NCK1: variants seen among roughly 807,000 people sequenced by gnomAD.
The protein encoded by NCK1 is SH2/SH3 adapter protein NCK1.
A neutral mutation model predicts 36.6 loss-of-function variants in NCK1; 19 were observed. That is an observed-to-expected ratio of 0.52 (90% CI 0.36 to 0.76). NCK1 has a LOEUF of 0.76. Ranked by LOEUF, NCK1 falls within the 30% of genes least tolerant of loss-of-function variation. NCK1 has a pLI of 0.00. For missense variants in NCK1, 358 were observed against 445.6 expected (o/e 0.80, Z 1.77); for synonymous variants, 165 against 156.0 (o/e 1.06, Z -0.43).
At chr3:136,893,178 G>GCTGC (rs1939295987) in intron 1 of NCK1, among the ~76,000 whole-genome samples, 1 of 34,590 alleles carries the variant, frequency 2.9e-5, no homozygotes, top group Non-Finnish European at 5.8e-5. Flanking sequence ...GTGTGTGTGT[G>GCTGC]TATATATATA....
chr3:136,880,238 T>C (rs563105904), intron 1 of NCK1, among the ~76,000 whole-genome samples: 2 of 151,032 alleles, frequency 1.3e-5, no homozygotes, highest in East Asian at 3.9e-4. Flanking sequence ...TGAGCCGAGA[T>C]CATGCCACTG....
chr3:136,864,201 G>A (rs1938342245), intron 1 of NCK1, among the ~76,000 whole-genome samples: 1 of 151,252 alleles, frequency 6.6e-6, no homozygotes, highest in Non-Finnish European at 1.5e-5. Context: ...TGAAACCTAC[G>A]TGTAATGTTG....
chr3:136,941,225 A>G (rs1340764349), intron 2 of NCK1, among the ~76,000 whole-genome samples: 1 of 150,504 alleles, frequency 6.6e-6, no homozygotes, highest in Non-Finnish European at 1.5e-5. Context: ...TCCCAGGTTC[A>G]AGCGACACTT....
intron 1 of NCK1, chr3:136,899,527 T>C (rs1939485548): frequency 2.1e-6 from 1 of 471,644 alleles, no homozygotes; most frequent in Non-Finnish European, 4.0e-6. Context: ...TCTTCACCAG[T>C]TGCCAAGTCT....
chr3:136,862,626 G>A (rs992203089), intron 1 of NCK1, among the ~76,000 whole-genome samples: 1 of 152,226 alleles, frequency 6.6e-6, no homozygotes, highest in African/African-American at 2.4e-5. Context: ...CGCTGTGTCG[G>A]GCTGAGAGCC....
intron 1 of NCK1, among the ~76,000 whole-genome samples, chr3:136,890,261 C>G (rs958546944): frequency 6.6e-6 from 1 of 152,132 alleles, no homozygotes; most frequent in East Asian, 1.9e-4. Flanking sequence ...CCCCACTGTC[C>G]GGCCGGCAGG....
chr3:136,915,907 G>A (rs1342410877), intron 1 of NCK1, among the ~76,000 whole-genome samples: 1 of 151,996 alleles, frequency 6.6e-6, no homozygotes, highest in Non-Finnish European at 1.5e-5. Flanking sequence ...TGTATTATTA[G>A]TAGAGACAGG....
intron 1 of NCK1, among the ~76,000 whole-genome samples, chr3:136,872,186 A>G (rs1023060648): frequency 6.6e-6 from 1 of 152,202 alleles, no homozygotes; most frequent in Non-Finnish European, 1.5e-5. Context: ...GACTTGTTGA[A>G]TGACTTTGCC....
At chr3:136,946,694 C>G (rs535489492) in intron 3 of NCK1, among the ~76,000 whole-genome samples, 5 of 152,098 alleles carry the variant, frequency 3.3e-5, no homozygotes, top group African/African-American at 9.6e-5. Flanking sequence ...AAGGTAGTCA[C>G]TGTAGTCCTT....
chr3:136,928,510 A>G (rs1940306245), intron 2 of NCK1: 2 of 359,752 alleles, frequency 5.6e-6, no homozygotes, highest in Middle Eastern at 7.8e-4. Flanking sequence ...ACCATGAATC[A>G]CTGTTGGAGT....
At chr3:136,899,682 C>T in intron 1 of NCK1, 1 of 749,534 alleles carries the variant, frequency 1.3e-6, no homozygotes, top group East Asian at 2.6e-5. Flanking sequence ...TAAATAATCA[C>T]TGGCTACACT....
In NCK1 at chr3:136,946,154, T is replaced by A. The variant is rs202237179; in HGVS notation, c.798T>A (p.Cys266Ter). The change falls in exon 3 of 4, where the codon TGT becomes TGA. Residue 266 changes from cysteine to a stop codon, truncating the protein, a stop_gained. Transcript: ENST00000481752. LOFTEE classifies it high-confidence loss of function. ...GTTTGGAACCATCACCTCCACAGTG[T>A]GATTACATTAGGCCTTCACTCACTG... ...TSGLEPSPPQCDYIRPSLTGK... is the reference protein window; with the variant it reads ...TSGLEPSPPQ The A allele has an allele frequency of 6.2e-7, 1 of 1,613,656 alleles. No homozygotes were observed. The highest frequency in any genetic ancestry group is 1.3e-5 in the African/African-American group (1 of 74,790).
At chr3:136,871,016 A>G (rs756457784) in intron 1 of NCK1, among the ~76,000 whole-genome samples, 66 of 152,132 alleles carry the variant, frequency 4.3e-4, no homozygotes, top group Non-Finnish European at 8.1e-4. Flanking sequence ...TGCAATAAAG[A>G]TCTTTGTGTA....
intron 1 of NCK1, among the ~76,000 whole-genome samples, chr3:136,872,500 C>T (rs768660181): frequency 8.5e-5 from 13 of 152,106 alleles, no homozygotes; most frequent in Non-Finnish European, 1.9e-4. Context: ...AGCTTGACAG[C>T]GTGATAGAAA....
chr3:136,910,215 T>G (rs1408072245), intron 1 of NCK1, among the ~76,000 whole-genome samples: 1 of 152,190 alleles, frequency 6.6e-6, no homozygotes, highest in East Asian at 1.9e-4. Context: ...TTGTGTCTAT[T>G]CAGTAGCTAC....
chr3:136,886,288 T>C (rs911072229), intron 1 of NCK1, among the ~76,000 whole-genome samples: 13 of 152,110 alleles, frequency 8.5e-5, no homozygotes, highest in African/African-American at 3.1e-4. Context: ...ATGGATAGTA[T>C]ATACTTGTCC....
At chr3:136,924,624 T>C (rs1286670172) in intron 1 of NCK1, among the ~76,000 whole-genome samples, 1 of 152,228 alleles carries the variant, frequency 6.6e-6, no homozygotes, top group Non-Finnish European at 1.5e-5. Flanking sequence ...TTTGAAAATA[T>C]ACTGATAATT....
At chr3:136,924,570 G>T (rs1173354442) in intron 1 of NCK1, among the ~76,000 whole-genome samples, 3 of 152,234 alleles carry the variant, frequency 2.0e-5, no homozygotes, top group Non-Finnish European at 4.4e-5. Context: ...TGAAATAAGT[G>T]TTGCAGGAGT....
At chr3:136,899,969 G>C in intron 1 of NCK1, 1 of 729,058 alleles carries the variant, frequency 1.4e-6, no homozygotes, top group East Asian at 2.6e-5. Flanking sequence ...TTGATGTTCT[G>C]GATTGCTTGT....
Sources: gnomAD v4.1 joint callset for allele counts (sites outside exome capture counted in the v4.1 genomes callset) on GRCh38, gnomAD v4.1.1 for gene constraint, MANE v1.5 for transcripts, NCBI Gene and HGNC (gene_info 2026-07-23, HGNC 2026-07-21) for gene names.